Variants in VPS41 observed in about 807,000 individuals in gnomAD.
VPS41 encodes vacuolar protein sorting-associated protein 41 homolog.
In VPS41, 85 loss-of-function variants were observed where a neutral mutation model predicts 130.9. The ratio of observed to expected loss-of-function variants is 0.65; its 90% CI spans 0.55 to 0.78. The LOEUF (loss-of-function observed/expected upper bound fraction) is 0.78. VPS41 is among the 30% of genes least tolerant of loss of function. VPS41 has a pLI of 0.00. For missense variants in VPS41, 874 were observed against 1,018.7 expected (o/e 0.86, Z 1.93); for synonymous variants, 335 against 332.9 (o/e 1.01, Z -0.07).
rs555474016 is a variant in VPS41, at chr7:38,873,352, G to T, written c.61-4099C>A. On this transcript the variant is annotated intron_variant, in intron 2 of 28. Transcript: ENST00000310301. Reference sequence around the variant, plus strand: ...TGATTGAAAAATACGATTCATGGAGGTTATTCTGCTGCTGCTGACTCTATA... The same window carrying T: ...TGATTGAAAAATACGATTCATGGAGTTTATTCTGCTGCTGCTGACTCTATA... Among the ~76,000 whole-genome samples the T allele has an allele frequency of 2.6e-5, 4 of 151,606 alleles. No individual in the cohort carries two copies. The South Asian group carries it at 8.3e-4, about 32-fold the overall frequency.
intron 2 of VPS41, among the ~76,000 whole-genome samples, chr7:38,869,604 T>A (rs13228087): frequency 6.6e-6 from 1 of 151,874 alleles, no homozygotes; most frequent in Non-Finnish European, 1.5e-5. Flanking sequence ...ATAATGGCCT[T>A]GAATTAATAA....
At position 38,772,615 on chromosome 7, in the gene VPS41, A is replaced by T. The variant is rs753744061; in HGVS notation, c.1035T>A (p.Leu345=). The change falls in exon 13 of 29, where the codon CTT becomes CTA. Residue 345 remains leucine, a synonymous_variant. Transcript: ENST00000310301. ...CATCTCTCGGACTCACGATGTAAAA[A>T]AGTGATTCCCCTTCAGAGTATTCTG... is the stretch of plus-strand genomic sequence containing the variant. ...YHLEYSEGES[L]FYIVSPRDVV... The T allele has an allele frequency of 1.5e-5, 25 of 1,613,060 alleles. No individual in the cohort carries two copies. The highest frequency in any genetic ancestry group is 1.6e-4 in the Middle Eastern group (1 of 6,080).
At chr7:38,867,552 A>T (rs1282149012) in intron 3 of VPS41, among the ~76,000 whole-genome samples, 1 of 152,022 alleles carries the variant, frequency 6.6e-6, no homozygotes, top group Non-Finnish European at 1.5e-5. Context: ...TCTCAAAAAA[A>T]AAAAATAAAT....
chr7:38,762,625 C>T (rs1466110862), intron 17 of VPS41, among the ~76,000 whole-genome samples: 1 of 152,150 alleles, frequency 6.6e-6, no homozygotes, highest in Non-Finnish European at 1.5e-5. Flanking sequence ...TGTTTAGCAA[C>T]ACAAAATGTC....
At chr7:38,728,356 C>A (rs1795589262) in intron 27 of VPS41, 186 bp downstream of exon 27, 14 of 751,004 alleles carry the variant, frequency 1.9e-5, no homozygotes, top group South Asian at 1.5e-4. Flanking sequence ...AGCTTGAGAA[C>A]CTCAGCTCTA....
intron 7 of VPS41, among the ~76,000 whole-genome samples, chr7:38,815,159 C>A (rs990677148): frequency 6.6e-6 from 1 of 152,192 alleles, no homozygotes; most frequent in Non-Finnish European, 1.5e-5. Context: ...CATGGTGGCT[C>A]ATGCCTGTAA....
chr7:38,745,081 T>G (rs1249345720), intron 23 of VPS41, among the ~76,000 whole-genome samples: 1 of 152,204 alleles, frequency 6.6e-6, no homozygotes, highest in Non-Finnish European at 1.5e-5. Context: ...TTGTGACTCA[T>G]GTGGAGGTAG....
intron 25 of VPS41, among the ~76,000 whole-genome samples, chr7:38,729,059 A>G (rs1436868985): frequency 6.6e-6 from 1 of 152,176 alleles, no homozygotes; most frequent in Admixed American, 6.5e-5. Context: ...AATCAAACAT[A>G]AATTCCAAAG....
chr7:38,843,122 T>C (rs1175061333), intron 4 of VPS41, among the ~76,000 whole-genome samples: 1 of 152,184 alleles, frequency 6.6e-6, no homozygotes, highest in Non-Finnish European at 1.5e-5. Flanking sequence ...TGTTATTTTC[T>C]TAAAAATAAG....
rs1795494380 is a variant in VPS41, at chr7:38,724,334, T to C, written c.*1912A>G. ...AAATGTAATAAACTGAATCTGTAAA[T>C]TGGTAATGTTGAAAAGAAAAAACAA... On this transcript the variant is annotated 3_prime_UTR_variant, in exon 29 of 29. Coordinates refer to ENST00000310301, the MANE Select transcript of VPS41 (RefSeq NM_014396.4). 1 of 152,116 alleles carries C rather than the reference T, an allele frequency of 6.6e-6. No homozygotes were observed. The highest frequency in any genetic ancestry group is 2.1e-4 in the South Asian group (1 of 4,822). The allele number at this position is 152,116 out of a possible 1,614,324, so 9.4% of individuals were successfully genotyped here.
intron 7 of VPS41, among the ~76,000 whole-genome samples, chr7:38,801,844 A>G (rs933666527): frequency 3.9e-5 from 6 of 152,228 alleles, no homozygotes; most frequent in Non-Finnish European, 8.8e-5. Context: ...CATACACACA[A>G]TGCGTTTGCT....
intron 10 of VPS41, among the ~76,000 whole-genome samples, chr7:38,787,151 T>C (rs531468213): frequency 2.6e-5 from 4 of 152,306 alleles, no homozygotes; most frequent in African/African-American, 9.6e-5. Flanking sequence ...TTAATCTCAA[T>C]TAAACAAAAT....
At chr7:38,851,052 A>G (rs1785843487) in intron 4 of VPS41, among the ~76,000 whole-genome samples, 1 of 152,240 alleles carries the variant, frequency 6.6e-6, no homozygotes. Context: ...TTCAAAGGAC[A>G]GAGTCAGTAA....
intron 21 of VPS41, 22 bp from the exon 22 acceptor site, chr7:38,752,335 C>T (rs746449803): frequency 6.2e-7 from 1 of 1,612,512 alleles, no homozygotes; most frequent in Non-Finnish European, 8.5e-7. Flanking sequence ...AAAAGATAAG[C>T]CGTGACCCAT....
intron 12 of VPS41, 55 bp from the exon 13 acceptor site, chr7:38,772,692 C>T: frequency 7.7e-7 from 1 of 1,292,288 alleles, no homozygotes; most frequent in Non-Finnish European, 1.1e-6. Flanking sequence ...GAAAACTTGG[C>T]AATGGTTTCA....
intron 17 of VPS41, among the ~76,000 whole-genome samples, chr7:38,762,246 T>C (rs1447574132): frequency 1.3e-5 from 2 of 152,312 alleles, no homozygotes; most frequent in East Asian, 3.9e-4. Context: ...CCATTATTAC[T>C]AATTAGAGGA....
chr7:38,876,192 T>A (rs1786487758), intron 2 of VPS41, among the ~76,000 whole-genome samples: 1 of 152,168 alleles, frequency 6.6e-6, no homozygotes, highest in Admixed American at 6.5e-5. Context: ...CAAAAAATTA[T>A]CCAGCCCAAA....
chr7:38,843,358 T>C (rs1039215919), intron 4 of VPS41, among the ~76,000 whole-genome samples: 2 of 152,196 alleles, frequency 1.3e-5, no homozygotes, highest in Non-Finnish European at 2.9e-5. Flanking sequence ...TGTCTTCTTA[T>C]GACGTTTTAA....
intron 16 of VPS41, among the ~76,000 whole-genome samples, chr7:38,765,333 T>C (rs911273083): frequency 1.3e-5 from 2 of 152,082 alleles, no homozygotes; most frequent in African/African-American, 4.8e-5. Flanking sequence ...GAAAACTTCA[T>C]CTAAACACAG....
Sources: allele counts gnomAD v4.1 joint callset (sites outside exome capture counted in the v4.1 genomes callset), GRCh38; gene constraint gnomAD v4.1.1; transcripts MANE v1.5; gene names NCBI Gene and HGNC (gene_info 2026-07-23, HGNC 2026-07-21).